CSGALNACT1: variants seen among roughly 807,000 people sequenced by gnomAD.
CSGALNACT1 encodes beta4GalNAcT-1.
CSGALNACT1 carries 52 observed loss-of-function variants against 51.0 expected under a neutral mutation model. The observed-to-expected ratio is 1.02, with a 90% CI of 0.82 to 1.29. CSGALNACT1 has a LOEUF of 1.29. Ranked by LOEUF, CSGALNACT1 falls within the 50% of genes most tolerant of loss-of-function variation. The pLI, the probability that CSGALNACT1 is intolerant of heterozygous loss-of-function variation, is 0.00. For missense variants in CSGALNACT1, 935 were observed against 679.2 expected (o/e 1.38, Z -4.19); for synonymous variants, 341 against 254.4 (o/e 1.34, Z -3.24).
intron 3 of CSGALNACT1, among the ~76,000 whole-genome samples, chr8:19,577,844 C>T (rs1008969034): frequency 1.3e-5 from 2 of 152,132 alleles, no homozygotes; most frequent in Non-Finnish European, 2.9e-5. Context: ...GAGATGCCTC[C>T]CAGGTCCCCT....
intron 3 of CSGALNACT1, among the ~76,000 whole-genome samples, chr8:19,569,533 T>C (rs572460114): frequency 5.9e-5 from 9 of 152,302 alleles, no homozygotes; most frequent in African/African-American, 2.2e-4. Flanking sequence ...AAAAATCTAC[T>C]TTTAAATTAG....
At chr8:19,755,996 A>G (rs917987455) in intron 1 of CSGALNACT1, among the ~76,000 whole-genome samples, 1 of 152,158 alleles carries the variant, frequency 6.6e-6, no homozygotes, top group Admixed American at 6.6e-5. Flanking sequence ...ATGCACTATT[A>G]CAAAACGTGT....
chr8:19,560,125 C>A (rs942195897), intron 3 of CSGALNACT1, among the ~76,000 whole-genome samples: 4 of 152,138 alleles, frequency 2.6e-5, no homozygotes, highest in African/African-American at 4.8e-5. Context: ...AGAATGTAAC[C>A]TGCACGGACC....
intron 4 of CSGALNACT1, among the ~76,000 whole-genome samples, chr8:19,488,807 A>T (rs1467136835): frequency 6.6e-6 from 1 of 152,164 alleles, no homozygotes; most frequent in Non-Finnish European, 1.5e-5. Flanking sequence ...AGGAAAAGAG[A>T]AGCTAAGAAC....
intron 3 of CSGALNACT1, among the ~76,000 whole-genome samples, chr8:19,549,779 T>C (rs534808448): frequency 3.0e-4 from 45 of 151,190 alleles, no homozygotes; most frequent in Admixed American, 5.3e-4. Context: ...ATCCCTATTC[T>C]ACCGTTGCAT....
intron 1 of CSGALNACT1, among the ~76,000 whole-genome samples, chr8:19,667,200 C>T (rs2059448838): frequency 6.6e-6 from 1 of 150,794 alleles, no homozygotes; most frequent in Non-Finnish European, 1.5e-5. Flanking sequence ...GTGGGTGGAT[C>T]GCTTGAGCTC....
At chr8:19,406,224 G>T (rs1436081776) in intron 9 of CSGALNACT1, among the ~76,000 whole-genome samples, 155 bp from the exon 9 acceptor site, 2 of 152,118 alleles carry the variant, frequency 1.3e-5, no homozygotes, top group East Asian at 3.9e-4. Context: ...ACCTGGGTCA[G>T]AAGCCCCGAG....
intron 3 of CSGALNACT1, among the ~76,000 whole-genome samples, chr8:19,527,917 T>C (rs1357073306): frequency 6.6e-6 from 1 of 152,098 alleles, no homozygotes; most frequent in Non-Finnish European, 1.5e-5. Flanking sequence ...ACTGGCATAT[T>C]GATAGGAATC....
At chr8:19,458,768 T>C (rs1195304858) in intron 4 of CSGALNACT1, 126 bp from the exon 4 acceptor site, 1 of 902,748 alleles carries the variant, frequency 1.1e-6, no homozygotes, top group Non-Finnish European at 1.8e-6. Flanking sequence ...CCAACAATTA[T>C]TCGAAAATTC....
chr8:19,699,500 C>T (rs1022767318), intron 1 of CSGALNACT1, among the ~76,000 whole-genome samples: 1 of 152,164 alleles, frequency 6.6e-6, no homozygotes. Flanking sequence ...ACAAGTGAAC[C>T]ATGAGGATCT....
At chr8:19,750,541 C>T (rs2131294) in intron 1 of CSGALNACT1, among the ~76,000 whole-genome samples, 31,583 of 152,062 alleles carry the variant, frequency 0.21, 3,395 homozygotes, top group African/African-American at 0.22. Context: ...CTATACCTTT[C>T]GTTTAATTCT....
At chr8:19,470,609 G>A (rs1379327142) in intron 4 of CSGALNACT1, among the ~76,000 whole-genome samples, 1 of 152,184 alleles carries the variant, frequency 6.6e-6, no homozygotes, top group Non-Finnish European at 1.5e-5. Context: ...AGCTGGGCAT[G>A]AGCGGGGCAG....
intron 1 of CSGALNACT1, among the ~76,000 whole-genome samples, chr8:19,667,032 G>GAAAGA (rs1564386771): frequency 1.4e-4 from 4 of 27,798 alleles, no homozygotes; most frequent in East Asian, 1.0e-3. Context: ...AGGAAGGAAG[G>GAAAGA]AAGGAAGGAA....
At position 19,501,117 on chromosome 8, in the gene CSGALNACT1, G is replaced by A. The variant is rs74612143; in HGVS notation, c.634+4084C>T. Among the ~76,000 whole-genome samples the A allele has an allele frequency of 1.0e-3, 152 of 151,668 alleles. 2 individuals carry two copies. In the East Asian group the frequency reaches 0.025, roughly 25 times the overall value. On this transcript the variant is annotated intron_variant, in intron 4 of 9. Transcript: ENST00000454498. ...ATACAAAAATTAACCAAGCATAGTGGCACGTGCCTGTAGTCCCACCTGCTA... is the reference window on the plus strand; with the variant it reads ...ATACAAAAATTAACCAAGCATAGTGACACGTGCCTGTAGTCCCACCTGCTA...
chr8:19,567,128 G>A (rs2042055635), intron 3 of CSGALNACT1, among the ~76,000 whole-genome samples: 1 of 152,212 alleles, frequency 6.6e-6, no homozygotes, highest in Non-Finnish European at 1.5e-5. Context: ...TTAGGGCACA[G>A]ATTGGTTCAA....
At chr8:19,571,509 T>A (rs1288296152) in intron 3 of CSGALNACT1, among the ~76,000 whole-genome samples, 1 of 151,030 alleles carries the variant, frequency 6.6e-6, no homozygotes, top group Admixed American at 6.6e-5. Flanking sequence ...AGAGTCGCTG[T>A]CAGCTGCCAC....
chr8:19,674,997 A>T (rs901322881), intron 1 of CSGALNACT1, among the ~76,000 whole-genome samples: 2 of 152,206 alleles, frequency 1.3e-5, no homozygotes, highest in African/African-American at 4.8e-5. Context: ...CTTGAGACTC[A>T]AAGTTGAGAT....
chr8:19,698,014 A>G (rs1206800410), intron 1 of CSGALNACT1, among the ~76,000 whole-genome samples: 5 of 152,204 alleles, frequency 3.3e-5, no homozygotes, highest in African/African-American at 1.2e-4. Context: ...CGGATTTGTC[A>G]ATTAGAAAGT....
chr8:19,713,139 A>G (rs1471074359), intron 1 of CSGALNACT1, among the ~76,000 whole-genome samples: 1 of 152,138 alleles, frequency 6.6e-6, no homozygotes, highest in Non-Finnish European at 1.5e-5. Context: ...AAGATCCTAA[A>G]TCATCTCACT....
Sources: gnomAD v4.1 joint callset for allele counts (sites outside exome capture counted in the v4.1 genomes callset) on GRCh38, gnomAD v4.1.1 for gene constraint, MANE v1.5 for transcripts, NCBI Gene and HGNC (gene_info 2026-07-23, HGNC 2026-07-21) for gene names.